RAB38: variants seen among roughly 807,000 people sequenced by gnomAD.
RAB38 encodes ras-related protein Rab-38.
In RAB38, 15 loss-of-function variants were observed where a neutral mutation model predicts 18.4. The observed-to-expected ratio is 0.82, with a 90% CI of 0.55 to 1.26. The LOEUF (loss-of-function observed/expected upper bound fraction) is 1.26. RAB38 is among the 50% of genes most tolerant of loss of function. RAB38 has a pLI of 0.00. For missense variants in RAB38, 294 were observed against 267.4 expected (o/e 1.10, Z -0.69); for synonymous variants, 101 against 104.4 (o/e 0.97, Z 0.20).
chr11:87,873,923 T>TACATATAC, the RAB38 span, among the ~76,000 whole-genome samples: 1 of 5,754 alleles, frequency 1.7e-4, no homozygotes, highest in Non-Finnish European at 6.3e-4. Context: ...TGTGTGTGTG[T>TACATATAC]ATATATATAT....
At chr11:88,143,276 C>G (rs1942939198) in intron 2 of RAB38, among the ~76,000 whole-genome samples, 1 of 152,210 alleles carries the variant, frequency 6.6e-6, no homozygotes, top group South Asian at 2.1e-4. Context: ...AAGCCACTAG[C>G]AGAGTGGTTG....
chr11:87,961,021 C>T, the RAB38 span, among the ~76,000 whole-genome samples: 3 of 152,174 alleles, frequency 2.0e-5, no homozygotes, highest in Non-Finnish European at 2.9e-5. Context: ...TAAAAGGCAG[C>T]TTTAAACCTA....
chr11:88,090,057 A>C, the RAB38 span, among the ~76,000 whole-genome samples: 1 of 151,944 alleles, frequency 6.6e-6, no homozygotes, highest in Non-Finnish European at 1.5e-5. Context: ...AGCTAGGAGA[A>C]GATTCCTTAG....
chr11:88,031,977 C>T, the RAB38 span, among the ~76,000 whole-genome samples: 1 of 150,880 alleles, frequency 6.6e-6, no homozygotes, highest in Non-Finnish European at 1.5e-5. Context: ...TGACTTCAAA[C>T]TATACTACAA....
chr11:87,848,543 G>T, the RAB38 span, among the ~76,000 whole-genome samples: 11 of 152,224 alleles, frequency 7.2e-5, no homozygotes, highest in Admixed American at 3.9e-4. Flanking sequence ...CTCATTGGAA[G>T]TAACAAAATA....
At chr11:88,115,022 G>GA (rs1358430015) in intron 2 of RAB38, among the ~76,000 whole-genome samples, 5 of 152,130 alleles carry the variant, frequency 3.3e-5, no homozygotes, top group Non-Finnish European at 5.9e-5. Context: ...CTTGAATTTG[G>GA]AAAAAATATG....
chr11:88,113,337 C>G lies in RAB38; in HGVS notation c.*651G>C, dbSNP rs1362588980. ...TACATGTATAGCATGTATAGAGGAG[C>G]CCCACAGCTTGAGTCAGAGAAAGCT... On this transcript the variant is annotated 3_prime_UTR_variant, in exon 3 of 3. Coordinates refer to ENST00000243662, the MANE Select transcript of RAB38 (RefSeq NM_022337.3). 6.6e-6 allele frequency: 1 copy of G among 152,480 alleles called. No individual in the cohort carries two copies. Among genetic ancestry groups the G allele is most frequent in the East Asian group, 1.9e-4 (1 of 5,194 alleles). The allele number at this position is 152,480 out of a possible 1,614,324, so 9.4% of individuals were successfully genotyped here. A position where few individuals can be genotyped will look rare whatever the true frequency, so the allele number is the denominator to read the frequency against.
the RAB38 span, among the ~76,000 whole-genome samples, chr11:88,065,516 C>T: frequency 2.6e-5 from 4 of 152,248 alleles, no homozygotes; most frequent in Admixed American, 6.5e-5. Context: ...GGCAGTAAAG[C>T]AGATCAACAT....
At chr11:88,055,122 A>T in the RAB38 span, among the ~76,000 whole-genome samples, 1 of 152,228 alleles carries the variant, frequency 6.6e-6, no homozygotes, top group Non-Finnish European at 1.5e-5. Context: ...CTGCAGTACC[A>T]GCTATTCAAG....
At chr11:88,026,979 A>G in the RAB38 span, among the ~76,000 whole-genome samples, 5 of 152,196 alleles carry the variant, frequency 3.3e-5, no homozygotes, top group Admixed American at 2.6e-4. Flanking sequence ...ATATATAAAA[A>G]TACAATTGAT....
At position 88,149,680 on chromosome 11, in the gene RAB38, C is replaced by G. The variant is rs772390244; in HGVS notation, c.478G>C (p.Ala160Pro). The change falls in exon 2 of 3, where the codon GCA (alanine) becomes CCA (proline). Residue 160 changes from alanine to proline, a missense_variant. Coordinates refer to ENST00000243662, the MANE Select transcript of RAB38 (RefSeq NM_022337.3). ...HGFVGWFETS[A>P]KENINIDEAS... ...ATTATTTAAAGTCACATTACCTTTG[C>G]TGATGTTTCAAACCATCCTACGAAA... 1 of 1,607,576 alleles carries G rather than the reference C, an allele frequency of 6.2e-7. No homozygotes were observed. Among genetic ancestry groups the G allele is most frequent in the Non-Finnish European group, 8.5e-7 (1 of 1,175,044 alleles).
chr11:87,911,831 CTG>C, the RAB38 span, among the ~76,000 whole-genome samples: 1 of 151,860 alleles, frequency 6.6e-6, no homozygotes, highest in Non-Finnish European at 1.5e-5. Flanking sequence ...TCATTAATAA[CTG>C]TAATGTTAGG....
chr11:87,814,655 C>T, the RAB38 span, among the ~76,000 whole-genome samples: 1 of 151,986 alleles, frequency 6.6e-6, no homozygotes, highest in Non-Finnish European at 1.5e-5. Context: ...GGGAGGAATT[C>T]TTCATTTCTG....
At chr11:88,033,390 AAG>A in the RAB38 span, among the ~76,000 whole-genome samples, 1 of 151,706 alleles carries the variant, frequency 6.6e-6, no homozygotes, top group African/African-American at 2.4e-5. Flanking sequence ...TAATAAAAAA[AAG>A]AAAAAAAAAA....
the RAB38 span, among the ~76,000 whole-genome samples, chr11:87,967,819 T>C: frequency 1.3e-5 from 2 of 152,182 alleles, no homozygotes; most frequent in East Asian, 3.9e-4. Context: ...TCTTCAGAGA[T>C]CATGTGCTGA....
the RAB38 span, among the ~76,000 whole-genome samples, chr11:87,939,174 T>G: frequency 1.3e-5 from 2 of 152,114 alleles, no homozygotes; most frequent in Non-Finnish European, 1.5e-5. Context: ...TTGCTAGTTT[T>G]TAATTAGATA....
the RAB38 span, among the ~76,000 whole-genome samples, chr11:87,900,833 A>C: frequency 1.3e-5 from 2 of 151,396 alleles, no homozygotes; most frequent in Non-Finnish European, 3.0e-5. Context: ...GAAATGAAGG[A>C]AGGAAAGGAA....
At chr11:87,896,143 TAGAC>T in the RAB38 span, among the ~76,000 whole-genome samples, 13 of 151,842 alleles carry the variant, frequency 8.6e-5, no homozygotes, top group African/African-American at 2.2e-4. Flanking sequence ...AAGGGAATGA[TAGAC>T]AGAAGTCAGA....
At chr11:87,948,654 CAT>C in the RAB38 span, among the ~76,000 whole-genome samples, 4 of 150,260 alleles carry the variant, frequency 2.7e-5, no homozygotes, top group Non-Finnish European at 4.4e-5. Context: ...TTGAGATAAT[CAT>C]GTGGTTTTTG....
Sources: gnomAD v4.1 joint callset for allele counts (sites outside exome capture counted in the v4.1 genomes callset) on GRCh38, gnomAD v4.1.1 for gene constraint, MANE v1.5 for transcripts, NCBI Gene and HGNC (gene_info 2026-07-23, HGNC 2026-07-21) for gene names.